The following C12orf42 variants were observed in gnomAD, a reference collection of about 807,000 sequenced individuals.
C12orf42 encodes the protein chromosome 12 open reading frame 42, also known as uncharacterized protein C12orf42.
C12orf42 carries 25 observed loss-of-function variants against 21.6 expected under a neutral mutation model. The ratio of observed to expected loss-of-function variants is 1.16; its 90% confidence interval spans 0.84 to 1.62. The LOEUF (loss-of-function observed/expected upper bound fraction) is 1.62. Among genes scored for constraint, C12orf42 ranks in the 40% most tolerant of loss-of-function variants. C12orf42 has a pLI of 0.00. For missense variants in C12orf42, 483 were observed against 459.3 expected (o/e 1.05, Z -0.47); for synonymous variants, 174 against 175.0 (o/e 0.99, Z 0.05).
At chr12:103,432,065 C>T (rs1328963098) in intron 2 of C12orf42, among the ~76,000 whole-genome samples, 1 of 152,192 alleles carries the variant, frequency 6.6e-6, no homozygotes, top group Admixed American at 6.5e-5. Context: ...GGTTGCATTA[C>T]TTCTCCCCTT....
the C12orf42 span, among the ~76,000 whole-genome samples, chr12:103,218,258 C>T: frequency 7.1e-6 from 1 of 141,302 alleles, no homozygotes; most frequent in Non-Finnish European, 1.5e-5. Flanking sequence ...CCAGCCTGGG[C>T]AACAAGAATG....
At chr12:103,212,710 T>C in the C12orf42 span, among the ~76,000 whole-genome samples, 2 of 152,314 alleles carry the variant, frequency 1.3e-5, no homozygotes, top group Admixed American at 1.3e-4. Flanking sequence ...TATTATTTTA[T>C]CGTTATTAGC....
At chr12:103,273,192 G>C (rs1462307175) in intron 5 of C12orf42, among the ~76,000 whole-genome samples, 1 of 152,096 alleles carries the variant, frequency 6.6e-6, no homozygotes, top group Non-Finnish European at 1.5e-5. Flanking sequence ...TTTCAGCCTA[G>C]ATTCACCAAT....
the C12orf42 span, among the ~76,000 whole-genome samples, chr12:103,111,833 T>C: frequency 1.3e-5 from 2 of 152,250 alleles, no homozygotes; most frequent in South Asian, 2.1e-4. Context: ...ATCACAAGGA[T>C]AGGAAAAAAG....
chr12:103,421,668 A>C (rs1316898402), intron 2 of C12orf42, among the ~76,000 whole-genome samples: 1 of 152,174 alleles, frequency 6.6e-6, no homozygotes, highest in Non-Finnish European at 1.5e-5. Flanking sequence ...AACTCAAAAA[A>C]AGAACTAATA....
intron 2 of C12orf42, among the ~76,000 whole-genome samples, chr12:103,455,946 T>C (rs185863160): frequency 3.3e-5 from 5 of 152,056 alleles, no homozygotes; most frequent in Admixed American, 6.6e-5. Flanking sequence ...CCTGCTTGAG[T>C]TCCATGACAC....
chr12:103,066,066 C>A, the C12orf42 span, among the ~76,000 whole-genome samples: 2 of 152,132 alleles, frequency 1.3e-5, no homozygotes, highest in South Asian at 4.1e-4. Context: ...TGAATCACAG[C>A]GGAGGCCTCT....
At chr12:103,168,684 C>T in the C12orf42 span, among the ~76,000 whole-genome samples, 1 of 152,166 alleles carries the variant, frequency 6.6e-6, no homozygotes, top group South Asian at 2.1e-4. Context: ...GATTATAAAT[C>T]ATTCTACTAT....
At chr12:103,404,332 T>C (rs1415341419) in intron 2 of C12orf42, among the ~76,000 whole-genome samples, 1 of 152,192 alleles carries the variant, frequency 6.6e-6, no homozygotes, top group Non-Finnish European at 1.5e-5. Flanking sequence ...AATGCTATTG[T>C]AATCAACAAG....
At chr12:103,215,485 G>A in the C12orf42 span, among the ~76,000 whole-genome samples, 3 of 152,146 alleles carry the variant, frequency 2.0e-5, no homozygotes. Flanking sequence ...GAGAAGGAAT[G>A]AGTAACCTAA....
chr12:103,202,546 G>A, the C12orf42 span, among the ~76,000 whole-genome samples: 6 of 152,292 alleles, frequency 3.9e-5, no homozygotes, highest in East Asian at 1.2e-3. Context: ...AGAATAAACT[G>A]TGTATGCTTG....
At chr12:103,358,737 C>T (rs895190443) in intron 4 of C12orf42, among the ~76,000 whole-genome samples, 8 of 152,130 alleles carry the variant, frequency 5.3e-5, no homozygotes, top group African/African-American at 1.7e-4. Flanking sequence ...CCTTCACCCA[C>T]TCATTCCCAT....
downstream of C12orf42, chr12:103,267,627 A>G (rs1031098088): frequency 1.4e-4 from 22 of 152,182 alleles, no homozygotes; most frequent in African/African-American, 5.1e-4. Flanking sequence ...TCATATCAGT[A>G]TCTTACTTGA....
the C12orf42 span, among the ~76,000 whole-genome samples, chr12:103,093,031 C>G: frequency 6.6e-6 from 1 of 152,182 alleles, no homozygotes; most frequent in Non-Finnish European, 1.5e-5. Context: ...GCATAGGACT[C>G]TGTTTCCTGC....
At chr12:103,294,498 AAAGAAAGAAAAAGAAAGGAAG>A (rs2037069455) in intron 4 of C12orf42, among the ~76,000 whole-genome samples, 1 of 149,388 alleles carries the variant, frequency 6.7e-6, no homozygotes, top group African/African-American at 2.5e-5. Flanking sequence ...AGAAAGAAAG[AAAGAAAGAAAAAGAAAGGAAG>A]AAGAAAGAAA....
intron 4 of C12orf42, among the ~76,000 whole-genome samples, chr12:103,295,271 G>C (rs759914137): frequency 2.0e-5 from 3 of 152,052 alleles, no homozygotes; most frequent in Non-Finnish European, 4.4e-5. Flanking sequence ...CCTTGTCTGG[G>C]TAGTTTTAGA....
chr12:103,322,113 G>A (rs1230321510), intron 4 of C12orf42, among the ~76,000 whole-genome samples: 1,287 of 92,760 alleles, frequency 0.014, 10 homozygotes, highest in African/African-American at 0.07. Flanking sequence ...GCGCGTGCGT[G>A]CGCGCGCGCG....
the C12orf42 span, among the ~76,000 whole-genome samples, chr12:103,204,340 C>T: frequency 6.6e-6 from 1 of 152,098 alleles, no homozygotes; most frequent in South Asian, 2.1e-4. Flanking sequence ...TTCATTTTTC[C>T]AGCTTGTACA....
chr12:103,337,149 G>A (rs1004150060), intron 4 of C12orf42, among the ~76,000 whole-genome samples: 11 of 152,300 alleles, frequency 7.2e-5, no homozygotes, highest in African/African-American at 2.4e-4. Flanking sequence ...TAGTCAAGAA[G>A]AAGCCAGAAT....
Sources: gnomAD v4.1 joint callset for allele counts (sites outside exome capture counted in the v4.1 genomes callset) on GRCh38, gnomAD v4.1.1 for gene constraint, MANE v1.5 for transcripts, NCBI Gene and HGNC (gene_info 2026-07-23, HGNC 2026-07-21) for gene names.